Variants in UGGT2 observed in about 807,000 individuals in gnomAD.
UGGT2 encodes the protein UDP-glucose:glycoprotein glucosyltransferase 2.
In UGGT2, 180 loss-of-function variants were observed where a neutral mutation model predicts 192.1. That is an observed-to-expected ratio of 0.94 (90% CI 0.83 to 1.06). UGGT2 has a LOEUF of 1.06. Ranked by LOEUF, UGGT2 falls within the 50% of genes least tolerant of loss-of-function variation. The pLI is 0.00. For synonymous variants in UGGT2, 580 were observed against 591.0 expected (o/e 0.98, Z 0.27); for missense variants, 1,849 against 1,795.7 (o/e 1.03, Z -0.54).
intron 17 of UGGT2, among the ~76,000 whole-genome samples, chr13:95,928,943 G>C (rs574285073): frequency 6.6e-6 from 1 of 152,170 alleles, no homozygotes; most frequent in Non-Finnish European, 1.5e-5. Flanking sequence ...CTGCAATCCC[G>C]GCACCTCGGG....
At chr13:95,880,743 T>C (rs1221630361) in intron 27 of UGGT2, among the ~76,000 whole-genome samples, 6 of 152,230 alleles carry the variant, frequency 3.9e-5, no homozygotes, top group African/African-American at 1.4e-4. Context: ...TGTCACTTAG[T>C]GACCCCAAAG....
chr13:95,859,538 A>G (rs1275703863), intron 33 of UGGT2, 53 bp downstream of exon 33: 13 of 1,345,708 alleles, frequency 9.7e-6, no homozygotes, highest in Non-Finnish European at 1.4e-5. Flanking sequence ...CAATGATACA[A>G]ATAATTTACT....
intron 36 of UGGT2, among the ~76,000 whole-genome samples, chr13:95,846,019 G>C (rs1372853716): frequency 5.3e-5 from 8 of 152,162 alleles, no homozygotes; most frequent in Non-Finnish European, 1.2e-4. Context: ...TTCCTAGACG[G>C]GGTGGCGGCC....
chr13:95,883,858 C>T (rs1269977144), intron 27 of UGGT2, among the ~76,000 whole-genome samples: 1 of 151,952 alleles, frequency 6.6e-6, no homozygotes, highest in Non-Finnish European at 1.5e-5. Context: ...CTAGATTCAA[C>T]GTTTAAAAGA....
intron 12 of UGGT2, among the ~76,000 whole-genome samples, chr13:95,968,463 G>A (rs79168633): frequency 1.4e-3 from 217 of 152,232 alleles, no homozygotes; most frequent in African/African-American, 4.8e-3. Flanking sequence ...CCCAATGCCG[G>A]AGGTAGGGCC....
chr13:96,026,711 T>C (rs897985068), intron 2 of UGGT2, among the ~76,000 whole-genome samples: 6 of 143,490 alleles, frequency 4.2e-5, no homozygotes, highest in Admixed American at 1.5e-4. Flanking sequence ...GTCGCCCAGG[T>C]CGGACTGCGG....
chr13:95,933,479 A>G (rs929537970), intron 17 of UGGT2, among the ~76,000 whole-genome samples: 6 of 152,142 alleles, frequency 3.9e-5, no homozygotes, highest in African/African-American at 1.4e-4. Flanking sequence ...CTAGTGGTCT[A>G]TCGATCTTGT....
chr13:96,034,951 A>G (rs2052955479), intron 1 of UGGT2, among the ~76,000 whole-genome samples: 1 of 152,214 alleles, frequency 6.6e-6, no homozygotes, highest in Non-Finnish European at 1.5e-5. Context: ...GGAGCACAGC[A>G]GGCCCGAGCA....
At chr13:95,928,130 C>G (rs533697450) in intron 17 of UGGT2, among the ~76,000 whole-genome samples, 81 of 152,314 alleles carry the variant, frequency 5.3e-4, no homozygotes, top group African/African-American at 1.8e-3. Flanking sequence ...CTTTTCTATT[C>G]GACAAAACCG....
At chr13:95,894,005 T>A (rs2047877945) in intron 24 of UGGT2, among the ~76,000 whole-genome samples, 1 of 152,150 alleles carries the variant, frequency 6.6e-6, no homozygotes. Flanking sequence ...TCTCAGGAGA[T>A]CTAGAGAACA....
intron 17 of UGGT2, 102 bp from the exon 18 acceptor site, chr13:95,927,438 G>C: frequency 1.9e-4 from 148 of 770,400 alleles, no homozygotes; most frequent in Non-Finnish European, 2.5e-4. Context: ...AAATAAATAA[G>C]CAATTTAGAA....
chr13:96,024,607 G>C (rs1382512139), intron 2 of UGGT2, among the ~76,000 whole-genome samples: 1 of 152,196 alleles, frequency 6.6e-6, no homozygotes, highest in African/African-American at 2.4e-5. Flanking sequence ...GGTAATAACA[G>C]GGCAGCTCTG....
chr13:95,967,476 G>GTTT (rs56772987), intron 12 of UGGT2, among the ~76,000 whole-genome samples: 1 of 127,630 alleles, frequency 7.8e-6, no homozygotes, highest in Non-Finnish European at 1.7e-5. Context: ...CAACTTTTTT[G>GTTT]TTTTTTTTTT....
At chr13:95,876,210 AC>A (rs1231517498) in intron 29 of UGGT2, among the ~76,000 whole-genome samples, 2 of 152,244 alleles carry the variant, frequency 1.3e-5, no homozygotes, top group African/African-American at 4.8e-5. Context: ...GTGCAAAAAA[AC>A]AATTCCAAAT....
At chr13:95,949,278 G>A in intron 13 of UGGT2, 57 bp downstream of exon 13, 2 of 1,361,106 alleles carry the variant, frequency 1.5e-6, no homozygotes, top group South Asian at 2.0e-5. Context: ...GGATAATCCA[G>A]AAAGAATGCT....
At chr13:96,021,918 T>A (rs2052525278) in intron 4 of UGGT2, among the ~76,000 whole-genome samples, 1 of 152,144 alleles carries the variant, frequency 6.6e-6, no homozygotes, top group African/African-American at 2.4e-5. Context: ...ATAATTCTAA[T>A]TAAACCCTAA....
intron 38 of UGGT2, among the ~76,000 whole-genome samples, chr13:95,826,643 A>G (rs1341374098): frequency 6.6e-6 from 1 of 152,122 alleles, no homozygotes; most frequent in Non-Finnish European, 1.5e-5. Flanking sequence ...CTTAAACTAT[A>G]TATATATATA....
At chr13:95,870,027 T>C (rs1349194492) in intron 29 of UGGT2, among the ~76,000 whole-genome samples, 1 of 152,200 alleles carries the variant, frequency 6.6e-6, no homozygotes, top group Admixed American at 6.5e-5. Flanking sequence ...AAACACTAAC[T>C]GGTAAGAAAC....
chr13:95,942,734 T>C (rs1033006603), intron 15 of UGGT2, among the ~76,000 whole-genome samples: 3 of 152,176 alleles, frequency 2.0e-5, no homozygotes, highest in Admixed American at 6.5e-5. Context: ...ATACTTCTCC[T>C]GCTTATAACA....
Sources: allele counts gnomAD v4.1 joint callset (sites outside exome capture counted in the v4.1 genomes callset), GRCh38; gene constraint gnomAD v4.1.1; transcripts MANE v1.5; gene names NCBI Gene and HGNC (gene_info 2026-07-23, HGNC 2026-07-21).